CSMD2: variants seen among roughly 807,000 people sequenced by gnomAD.
CSMD2 encodes the protein CUB and Sushi multiple domains 2, also known as CUB and sushi domain-containing protein 2.
In CSMD2, 130 loss-of-function variants were observed where a neutral mutation model predicts 398.5. The observed-to-expected ratio is 0.33, with a 90% confidence interval of 0.28 to 0.38. CSMD2 has a LOEUF of 0.38. CSMD2 is among the 10% of genes least tolerant of loss of function. CSMD2 has a pLI of 1.00. For missense variants in CSMD2, 3,829 were observed against 4,764.9 expected, an observed-to-expected ratio of 0.80 and a Z score of 5.78; for synonymous variants, 1,828 against 1,908.5, an observed-to-expected ratio of 0.96 and a Z score of 1.10.
At chr1:33,888,004 C>T (rs1438154303) in intron 5 of CSMD2, among the ~76,000 whole-genome samples, 9 of 150,940 alleles carry the variant, frequency 6.0e-5, no homozygotes, top group Non-Finnish European at 1.5e-5. Flanking sequence ...GACAAATGGC[C>T]CTATTCACTA....
intron 13 of CSMD2, among the ~76,000 whole-genome samples, chr1:33,752,063 C>A (rs745914470): frequency 2.0e-5 from 3 of 152,162 alleles, no homozygotes; most frequent in South Asian, 2.1e-4. Flanking sequence ...GCATAAGATT[C>A]ATGAAAAGGT....
At chr1:34,030,813 G>C (rs911916466) in intron 3 of CSMD2, among the ~76,000 whole-genome samples, 5 of 152,288 alleles carry the variant, frequency 3.3e-5, no homozygotes, top group Non-Finnish European at 5.9e-5. Context: ...GTTCCCCCAT[G>C]TGTCAGTCAC....
chr1:33,982,180 A>T (rs1181325242), intron 3 of CSMD2, among the ~76,000 whole-genome samples: 1 of 152,202 alleles, frequency 6.6e-6, no homozygotes. Flanking sequence ...TCAGTGGCCA[A>T]AATGACTACC....
chr1:33,610,730 C>T (rs1446481995), intron 41 of CSMD2, among the ~76,000 whole-genome samples: 1 of 152,212 alleles, frequency 6.6e-6, no homozygotes, highest in Non-Finnish European at 1.5e-5. Flanking sequence ...GGGGAAGTGA[C>T]TGGCTGGACA....
At chr1:33,836,454 C>T (rs866750540) in intron 6 of CSMD2, among the ~76,000 whole-genome samples, 4 of 152,296 alleles carry the variant, frequency 2.6e-5, no homozygotes, top group South Asian at 4.1e-4. Context: ...ATACCCTGTC[C>T]CCAAAGGTGG....
intron 4 of CSMD2, among the ~76,000 whole-genome samples, chr1:33,919,366 T>C (rs12030603): frequency 0.17 from 26,011 of 152,156 alleles, 2,668 homozygotes; most frequent in African/African-American, 0.29. Context: ...GGGCCTCCAA[T>C]GGTGAGATCA....
At chr1:33,680,079 C>A (rs1184674811) in intron 25 of CSMD2, among the ~76,000 whole-genome samples, 1 of 151,268 alleles carries the variant, frequency 6.6e-6, no homozygotes, top group East Asian at 1.9e-4. Context: ...CGCCACCACG[C>A]CTGGCTAATT....
At chr1:33,525,808 C>T (rs902946008) in intron 65 of CSMD2, among the ~76,000 whole-genome samples, 6 of 152,114 alleles carry the variant, frequency 3.9e-5, no homozygotes, top group Non-Finnish European at 7.4e-5. Flanking sequence ...CCTTAGCCTC[C>T]CAAGTAGCTG....
intron 4 of CSMD2, among the ~76,000 whole-genome samples, chr1:33,926,223 C>T (rs1296570980): frequency 6.6e-6 from 1 of 152,162 alleles, no homozygotes; most frequent in East Asian, 1.9e-4. Flanking sequence ...ATAAATGTAA[C>T]AGAAAACTGA....
intron 26 of CSMD2, among the ~76,000 whole-genome samples, chr1:33,660,649 T>C (rs998224274): frequency 1.3e-5 from 2 of 152,230 alleles, no homozygotes; most frequent in African/African-American, 4.8e-5. Context: ...GGCCAGGCTG[T>C]CATGACCTTT....
intron 39 of CSMD2, among the ~76,000 whole-genome samples, chr1:33,615,237 A>T (rs566584043): frequency 4.2e-4 from 64 of 152,340 alleles, no homozygotes; most frequent in South Asian, 1.2e-3. Context: ...CTGATATGCC[A>T]ATCAAGGTGA....
intron 1 of CSMD2, among the ~76,000 whole-genome samples, chr1:34,149,688 G>A (rs985787095): frequency 6.6e-6 from 1 of 152,200 alleles, no homozygotes; most frequent in African/African-American, 2.4e-5. Context: ...CTTTGGGGCT[G>A]GTGCCTTCCC....
chr1:34,108,865 G>A (rs944048252), intron 1 of CSMD2, among the ~76,000 whole-genome samples: 1 of 152,124 alleles, frequency 6.6e-6, no homozygotes, highest in African/African-American at 2.4e-5. Context: ...GTGTACTCCC[G>A]AGATGTTCCT....
chr1:34,009,022 C>CACACA (rs1235528893), intron 3 of CSMD2, among the ~76,000 whole-genome samples: 1 of 152,170 alleles, frequency 6.6e-6, no homozygotes, highest in Non-Finnish European at 1.5e-5. Context: ...CTCTGACACA[C>CACACA]ACACAACACA....
At chr1:33,792,614 TG>T in intron 10 of CSMD2, 88 bp from the exon 11 acceptor site, 2 of 840,418 alleles carry the variant, frequency 2.4e-6, no homozygotes, top group Non-Finnish European at 4.1e-6. Context: ...TTCTGTGTTA[TG>T]TCCCAATGCT....
At position 33,540,643 on chromosome 1, in the gene CSMD2, G is replaced by A; in HGVS notation, c.9513C>T (p.Asp3171=). The A allele has an allele frequency of 1.9e-6, 3 of 1,614,214 alleles. No individual in the cohort carries two copies. Among genetic ancestry groups the A allele is most frequent in the Non-Finnish European group, 2.5e-6 (3 of 1,180,044 alleles). The change falls in exon 60 of 71, where the codon GAC becomes GAT. Residue 3171 remains aspartate, a synonymous_variant. Transcript: ENST00000373381. ...AAGTCACACTTGAGCCCCACATGAA[G>A]TCAGACCCCACCACCTTCCCATTGG... is the stretch of plus-strand genomic sequence containing the variant. ...LIPNGKVVGS[D]FMWGSSVTYA...
At chr1:33,864,312 T>G (rs773107466) in intron 5 of CSMD2, 1 of 1,613,734 alleles carries the variant, frequency 6.2e-7, no homozygotes, top group Non-Finnish European at 8.5e-7. Flanking sequence ...CTTTAAAGAG[T>G]TCTCTAGAAA....
intron 1 of CSMD2, among the ~76,000 whole-genome samples, chr1:34,111,060 A>G (rs1661032518): frequency 6.6e-6 from 1 of 152,082 alleles, no homozygotes; most frequent in African/African-American, 2.4e-5. Flanking sequence ...CTTACTGTTT[A>G]TTGTTTATTT....
intron 41 of CSMD2, 121 bp from the exon 42 acceptor site, chr1:33,605,591 C>A: frequency 9.8e-7 from 1 of 1,019,310 alleles, no homozygotes. Flanking sequence ...ATGTACAAGT[C>A]ATTGGCTTTG....
Sources: gnomAD v4.1 joint callset for allele counts (sites outside exome capture counted in the v4.1 genomes callset) on GRCh38, gnomAD v4.1.1 for gene constraint, MANE v1.5 for transcripts, NCBI Gene and HGNC (gene_info 2026-07-23, HGNC 2026-07-21) for gene names.